Variants in SYNE2 observed in about 807,000 individuals in gnomAD.
The protein encoded by SYNE2 is spectrin repeat containing nuclear envelope protein 2, also known as nesprin-2.
A neutral mutation model predicts 856.3 loss-of-function variants in SYNE2; 431 were observed. That is an observed-to-expected ratio of 0.50 (90% confidence interval 0.47 to 0.55). SYNE2 has a LOEUF of 0.55. Among genes scored for constraint, SYNE2 ranks in the 20% least tolerant of loss-of-function variants. The pLI is 0.00. For synonymous variants in SYNE2, 2,923 were observed against 2,872.3 expected (o/e 1.02, Z -0.56); for missense variants, 8,129 against 8,023.2 (o/e 1.01, Z -0.50).
At chr14:63,815,042 ACATATATATATC>A (rs1888863926) in intron 1 of SYNE2, among the ~76,000 whole-genome samples, 1 of 64,968 alleles carries the variant, frequency 1.5e-5, no homozygotes, top group Non-Finnish European at 3.6e-5. Context: ...ATATACATCC[ACATATATATATC>A]CATATATACA....
At chr14:64,002,554 A>T (rs1282238983) in intron 29 of SYNE2, among the ~76,000 whole-genome samples, 166 bp from the exon 30 acceptor site, 1 of 152,194 alleles carries the variant, frequency 6.6e-6, no homozygotes, top group Non-Finnish European at 1.5e-5. Flanking sequence ...TGGCACATTG[A>T]TCATTTGTAA....
chr14:64,087,861 G>C lies in SYNE2; in HGVS notation c.11670+5G>C, dbSNP rs150294621. On this transcript the variant is annotated splice_donor_5th_base_variant and intron_variant, in intron 58 of 115. Transcript: ENST00000555002. ...CAGATTCAGCGAATGGCTGATGTAA[G>C]TTTGCACCATTCATTTAATCATTCA... is the stretch of plus-strand genomic sequence containing the variant. 1 of 1,613,748 alleles carries C rather than the reference G, an allele frequency of 6.2e-7. No homozygotes were observed. Among genetic ancestry groups the C allele is most frequent in the Non-Finnish European group, 8.5e-7 (1 of 1,179,720 alleles).
intron 65 of SYNE2, among the ~76,000 whole-genome samples, chr14:64,108,318 C>T (rs929655378): frequency 6.6e-6 from 1 of 152,178 alleles, no homozygotes; most frequent in Non-Finnish European, 1.5e-5. Context: ...CGCCACTGCA[C>T]TCCAGCCTGC....
At chr14:63,957,813 T>C (rs1329344730) in intron 8 of SYNE2, among the ~76,000 whole-genome samples, 1 of 152,088 alleles carries the variant, frequency 6.6e-6, no homozygotes, top group Non-Finnish European at 1.5e-5. Context: ...AGTTACTCTT[T>C]TTTTCCCCCT....
chr14:63,996,340 C>T (rs2096713775), intron 23 of SYNE2, among the ~76,000 whole-genome samples: 1 of 152,198 alleles, frequency 6.6e-6, no homozygotes, highest in Non-Finnish European at 1.5e-5. Flanking sequence ...TGCTTCATCT[C>T]ATCTTCCGTA....
rs767447208 is a variant in SYNE2 at position 64,132,312 on chromosome 14, C to T, written c.14388C>T (p.Tyr4796=). The T allele has an allele frequency of 3.4e-5, 55 of 1,614,126 alleles. 1 individual carries two copies. In the South Asian group the frequency reaches 5.9e-4, roughly 17 times the overall value. Residue 4796 remains tyrosine, a synonymous_variant, in exon 77 of 116, where the codon TAC becomes TAT. Coordinates refer to ENST00000555002, the MANE Select transcript of SYNE2 (RefSeq NM_182914.3). ...CTGACATGTTGTTGATCCAAGCATA[C>T]TCTGCCAAAATACTTCCTTCTTTAT... is the stretch of plus-strand genomic sequence containing the variant. The part of the protein sequence containing the change: ...LVADMLLIQA[Y]SAKILPSLLQ...
At chr14:64,170,959 G>A (rs1460586904) in intron 94 of SYNE2, among the ~76,000 whole-genome samples, 2 of 152,152 alleles carry the variant, frequency 1.3e-5, no homozygotes, top group Admixed American at 1.3e-4. Context: ...AACTTAAGGA[G>A]TGTAATTGGA....
At chr14:63,793,814 T>C (rs567976711) in intron 1 of SYNE2, among the ~76,000 whole-genome samples, 9 of 151,158 alleles carry the variant, frequency 6.0e-5, no homozygotes, top group Non-Finnish European at 1.2e-4. Context: ...GGCACATGCC[T>C]TTGGTCTCAG....
Position 64,113,869 on chromosome 14 carries a change from T to C in SYNE2, c.12840+298T>C, listed in dbSNP as rs111828170. Among the ~76,000 whole-genome samples, 23 of 152,264 alleles carry C rather than the reference T, an allele frequency of 1.5e-4. 1 individual carries two copies. The highest frequency in any genetic ancestry group is 4.8e-4 in the African/African-American group (20 of 41,568). On this transcript the variant is annotated intron_variant, in intron 66 of 115. Coordinates refer to ENST00000555002, the MANE Select transcript of SYNE2 (RefSeq NM_182914.3). ...TTTCCTTATATAGTAGGTTATCTTA[T>C]AGGATTTTTGTCAGGATTAAATAAG...
intron 70 of SYNE2, among the ~76,000 whole-genome samples, chr14:64,123,395 T>A (rs2097913311): frequency 6.6e-6 from 1 of 152,244 alleles, no homozygotes; most frequent in South Asian, 2.1e-4. Flanking sequence ...GGGCAAAGGT[T>A]ACCCGTGATT....
At chr14:64,034,959 C>A (rs1387564453) in intron 45 of SYNE2, among the ~76,000 whole-genome samples, 1 of 150,038 alleles carries the variant, frequency 6.7e-6, no homozygotes, top group East Asian at 1.9e-4. Context: ...AATCATAATA[C>A]AACATTACAG....
intron 2 of SYNE2, among the ~76,000 whole-genome samples, chr14:63,937,382 G>A (rs1439346359): frequency 2.0e-5 from 3 of 152,132 alleles, no homozygotes; most frequent in African/African-American, 4.8e-5. Flanking sequence ...GGGGGAAGAC[G>A]ATGATACGGA....
intron 1 of SYNE2, among the ~76,000 whole-genome samples, chr14:63,860,095 A>T (rs1226009106): frequency 6.6e-6 from 1 of 151,938 alleles, no homozygotes; most frequent in Non-Finnish European, 1.5e-5. Context: ...GGCCCAAGTG[A>T]TCTGCCTGCT....
chr14:64,172,252 C>T (rs919761387), intron 94 of SYNE2, among the ~76,000 whole-genome samples: 1 of 152,200 alleles, frequency 6.6e-6, no homozygotes, highest in African/African-American at 2.4e-5. Context: ...CATAATGACA[C>T]TCATCATTCT....
chr14:64,070,565 A>G, intron 51 of SYNE2, 80 bp from the exon 52 acceptor site: 1 of 1,259,094 alleles, frequency 7.9e-7, no homozygotes, highest in South Asian at 1.4e-5. Context: ...GAGAGAGCAT[A>G]CAAAAATTAT....
chr14:64,070,581 C>T, intron 51 of SYNE2, 64 bp from the exon 52 acceptor site: 1 of 1,443,794 alleles, frequency 6.9e-7, no homozygotes, highest in South Asian at 1.2e-5. Context: ...ATTATGTCTA[C>T]TTCAGGTCCT....
intron 99 of SYNE2, chr14:64,190,880 A>C (rs1596111562): frequency 5.8e-6 from 4 of 693,610 alleles, no homozygotes; most frequent in East Asian, 2.7e-5. Flanking sequence ...GATGATGCCC[A>C]AAATTTTTAA....
At chr14:63,830,997 T>C (rs1889648555) in intron 1 of SYNE2, among the ~76,000 whole-genome samples, 1 of 151,912 alleles carries the variant, frequency 6.6e-6, no homozygotes, top group African/African-American at 2.4e-5. Context: ...CCTGCCACCC[T>C]GCCCGGCTAA....
chr14:64,102,790 C>T (rs2097743479), intron 64 of SYNE2, among the ~76,000 whole-genome samples: 2 of 152,076 alleles, frequency 1.3e-5, no homozygotes, highest in Admixed American at 6.6e-5. Flanking sequence ...CTTTGACCAA[C>T]ATCTCCCCAG....
Sources: gnomAD v4.1 joint callset for allele counts (sites outside exome capture counted in the v4.1 genomes callset) on GRCh38, gnomAD v4.1.1 for gene constraint, MANE v1.5 for transcripts, NCBI Gene and HGNC (gene_info 2026-07-23, HGNC 2026-07-21) for gene names.